TANC2: variants seen among roughly 807,000 people sequenced by gnomAD.
The protein encoded by TANC2 is tetratricopeptide repeat, ankyrin repeat and coiled-coil containing 2.
Under a neutral mutation model 210.5 loss-of-function variants are expected in TANC2, and 26 were observed. The ratio of observed to expected loss-of-function variants is 0.12; its 90% CI spans 0.09 to 0.17. The LOEUF (loss-of-function observed/expected upper bound fraction) is 0.17. Ranked by LOEUF, TANC2 falls within the 10% of genes least tolerant of loss-of-function variation. The pLI, the probability that TANC2 is intolerant of heterozygous loss-of-function variation, is 1.00. For missense variants in TANC2, 2,129 were observed against 2,608.9 expected (o/e 0.82, Z 4.01); for synonymous variants, 931 against 967.1 (o/e 0.96, Z 0.69).
exon 18 of TANC2, chr17:63,395,791 C>T: frequency 6.2e-7 from 1 of 1,613,608 alleles, no homozygotes; most frequent in Non-Finnish European, 8.5e-7. Flanking sequence ...TCATGCTGCA[C>T]TCCGAGGTCA....
chr17:63,027,196 TTAAAC>T (rs1160444342), intron 2 of TANC2, among the ~76,000 whole-genome samples: 1 of 152,150 alleles, frequency 6.6e-6, no homozygotes, highest in Non-Finnish European at 1.5e-5. Flanking sequence ...GTTAAACAAT[TTAAAC>T]TGGTTTAGTT....
At chr17:63,306,841 C>A (rs2044926820) in intron 9 of TANC2, among the ~76,000 whole-genome samples, 2 of 152,058 alleles carry the variant, frequency 1.3e-5, no homozygotes, top group African/African-American at 4.8e-5. Flanking sequence ...ATAGTCCCAG[C>A]TACTTGGGAG....
chr17:63,416,442 A>G (rs1269368324), intron 26 of TANC2, among the ~76,000 whole-genome samples: 1 of 152,234 alleles, frequency 6.6e-6, no homozygotes, highest in Non-Finnish European at 1.5e-5. Context: ...AATCCAAGCC[A>G]AACAGATGTA....
intron 9 of TANC2, among the ~76,000 whole-genome samples, chr17:63,304,236 CT>C (rs2044822710): frequency 6.6e-6 from 1 of 152,094 alleles, no homozygotes; most frequent in African/African-American, 2.4e-5. Flanking sequence ...TAGTATTGAT[CT>C]TTGAGGCTTC....
chr17:63,318,392 G>C (rs969766378), intron 10 of TANC2, among the ~76,000 whole-genome samples: 3 of 152,164 alleles, frequency 2.0e-5, no homozygotes, highest in African/African-American at 7.2e-5. Context: ...AGTATTTTTA[G>C]TATAATTCAC....
intron 7 of TANC2, among the ~76,000 whole-genome samples, chr17:63,221,732 T>C (rs764184262): frequency 6.6e-6 from 1 of 152,170 alleles, no homozygotes; most frequent in African/African-American, 2.4e-5. Flanking sequence ...TAGTACAATG[T>C]CTAAAACTCA....
At chr17:63,040,726 A>G (rs1555764173) in intron 2 of TANC2, among the ~76,000 whole-genome samples, 1 of 152,178 alleles carries the variant, frequency 6.6e-6, no homozygotes, top group Non-Finnish European at 1.5e-5. Context: ...TATCTATGGC[A>G]GAGAGAGATA....
chr17:63,330,762 G>GA (rs2045811849), intron 11 of TANC2, among the ~76,000 whole-genome samples: 1 of 152,172 alleles, frequency 6.6e-6, no homozygotes, highest in African/African-American at 2.4e-5. Flanking sequence ...CTTCCACTGA[G>GA]AACAATGATG....
chr17:63,315,906 T>C (rs975009666), intron 10 of TANC2, among the ~76,000 whole-genome samples: 1 of 152,208 alleles, frequency 6.6e-6, no homozygotes, highest in South Asian at 2.1e-4. Flanking sequence ...AGAATTGGTA[T>C]GGAAGAATTC....
intron 4 of TANC2, among the ~76,000 whole-genome samples, chr17:63,126,158 T>C (rs917671643): frequency 1.3e-5 from 2 of 152,222 alleles, no homozygotes; most frequent in Admixed American, 6.5e-5. Context: ...TTACGTCTTG[T>C]CTCCCTAAAA....
Position 63,411,706 on chromosome 17 carries a change from C to T in TANC2, c.3765+20C>T, listed in dbSNP as rs199686263. On this transcript the variant is annotated intron_variant, in intron 22 of 27. Transcript: ENST00000689528. ...GAGGTGGTAAGTACCTTTAAACAAG[C>T]CTCAAGAGAGCAGAGAGAGGGGCTA... is the stretch of plus-strand genomic sequence containing the variant. 2.3e-5 allele frequency: 37 copies of T among 1,596,174 alleles called. No individual in the cohort carries two copies. Among genetic ancestry groups the T allele is most frequent in the East Asian group, 1.3e-4 (6 of 44,780 alleles).
chr17:63,061,136 G>A (rs2035981365), intron 2 of TANC2, among the ~76,000 whole-genome samples: 1 of 152,168 alleles, frequency 6.6e-6, no homozygotes, highest in Non-Finnish European at 1.5e-5. Flanking sequence ...GGAGGCCGAG[G>A]TGGGCGGATC....
intron 4 of TANC2, chr17:63,150,045 C>T (rs567410780): frequency 1.3e-5 from 2 of 152,146 alleles, no homozygotes; most frequent in Admixed American, 1.3e-4. Context: ...TTTTATCCTT[C>T]AAAGAAAATG....
intron 7 of TANC2, among the ~76,000 whole-genome samples, chr17:63,220,842 G>A (rs2042166801): frequency 6.7e-6 from 1 of 148,296 alleles, no homozygotes; most frequent in Non-Finnish European, 1.5e-5. Context: ...ATATATGTGT[G>A]TATATACGTA....
At chr17:63,315,429 G>A (rs2045283695) in intron 10 of TANC2, among the ~76,000 whole-genome samples, 1 of 152,088 alleles carries the variant, frequency 6.6e-6, no homozygotes, top group Admixed American at 6.6e-5. Context: ...AAGCAGTCTG[G>A]TTTCAGAGGC....
At chr17:63,063,550 GTGTGTGTGTGTGTGTGTGTGTGTGT>G (rs2036075659) in intron 2 of TANC2, among the ~76,000 whole-genome samples, 1 of 99,522 alleles carries the variant, frequency 1.0e-5, no homozygotes, top group South Asian at 2.9e-4. Flanking sequence ...GTGTGTGTGT[GTGTGTGTGTGTGTGTGTGTGTGTGT>G]AGATATATCT....
At chr17:63,192,944 G>C (rs1409562728) in intron 5 of TANC2, among the ~76,000 whole-genome samples, 2 of 152,140 alleles carry the variant, frequency 1.3e-5, no homozygotes, top group Non-Finnish European at 2.9e-5. Flanking sequence ...CTTATTATCA[G>C]AGTAACTTTG....
intron 11 of TANC2, chr17:63,339,063 C>A (rs918112237): frequency 2.6e-5 from 4 of 151,972 alleles, no homozygotes; most frequent in African/African-American, 9.7e-5. Context: ...GGTATATAGG[C>A]ACAAAGCTAA....
At chr17:63,091,348 T>G (rs1213629604) in intron 3 of TANC2, among the ~76,000 whole-genome samples, 2 of 152,160 alleles carry the variant, frequency 1.3e-5, no homozygotes, top group Non-Finnish European at 2.9e-5. Flanking sequence ...TTTTAGGTCT[T>G]ACATTTAAGT....
Sources: allele counts gnomAD v4.1 joint callset (sites outside exome capture counted in the v4.1 genomes callset), GRCh38; gene constraint gnomAD v4.1.1; transcripts MANE v1.5; gene names NCBI Gene and HGNC (gene_info 2026-07-23, HGNC 2026-07-21).